GALNT18: variants seen among roughly 807,000 people sequenced by gnomAD.
GALNT18 encodes the protein GalNAc-transferase 18.
A neutral mutation model predicts 69.5 loss-of-function variants in GALNT18; 44 were observed. The ratio of observed to expected loss-of-function variants is 0.63; its 90% confidence interval spans 0.50 to 0.81. The LOEUF (loss-of-function observed/expected upper bound fraction) is 0.81. GALNT18 is among the 40% of genes least tolerant of loss of function. GALNT18 has a pLI of 0.00. For synonymous variants in GALNT18, 364 were observed against 318.2 expected, an observed-to-expected ratio of 1.14 and a Z score of -1.53; for missense variants, 715 against 810.0, an observed-to-expected ratio of 0.88 and a Z score of 1.42.
At position 11,321,973 on chromosome 11, in the gene GALNT18, C is replaced by G. The variant is rs189920392; in HGVS notation, c.1512+5113G>C. 1.4e-4 allele frequency among the ~76,000 whole-genome samples: 21 copies of G among 152,302 alleles called. No homozygotes were observed. The East Asian group carries it at 3.9e-3, about 28-fold the overall frequency. Reference sequence around the variant, plus strand: ...ACCATGGGGTCAAGGAGAGTCAGTCCAGGGTTGGTTGCAGCTAGAACCTTG... The same window carrying G: ...ACCATGGGGTCAAGGAGAGTCAGTCGAGGGTTGGTTGCAGCTAGAACCTTG... On this transcript the variant is annotated intron_variant, in intron 9 of 10. Transcript: ENST00000227756.
At position 11,616,260 on chromosome 11, in the gene GALNT18, T is replaced by C. The variant is rs533830982; in HGVS notation, c.235+5099A>G. The stretch of plus-strand genomic sequence containing the variant: ...ATCAAAGGAGTACAAATCAAAAGAA[T>C]AGAGCATTTGACAGGGATTACATTT... On this transcript the variant is annotated intron_variant, in intron 1 of 10. Coordinates refer to ENST00000227756, the MANE Select transcript of GALNT18 (RefSeq NM_198516.3). This position sits in a 1 kb window ranked among gnomAD's most constrained non-coding sequence, Gnocchi z 4.4. 6.6e-6 allele frequency among the ~76,000 whole-genome samples: 1 copy of C among 152,316 alleles called. No homozygotes were observed. The highest frequency in any genetic ancestry group is 2.4e-5 in the African/African-American group (1 of 41,554).
chr11:11,522,542 C>G (rs1308366606), intron 1 of GALNT18, among the ~76,000 whole-genome samples: 2 of 152,176 alleles, frequency 1.3e-5, no homozygotes, highest in Non-Finnish European at 2.9e-5. Flanking sequence ...GTCCCACCAC[C>G]ACTCAGCTCA....
chr11:11,475,160 T>G (rs1564967661), intron 1 of GALNT18: 1 of 150,242 alleles, frequency 6.7e-6, no homozygotes, highest in Non-Finnish European at 1.5e-5. Flanking sequence ...CACAATAAAG[T>G]GAATAACCAA....
intron 1 of GALNT18, among the ~76,000 whole-genome samples, chr11:11,451,916 A>G (rs1386397382): frequency 1.3e-5 from 2 of 152,208 alleles, no homozygotes; most frequent in Non-Finnish European, 2.9e-5. Context: ...GTGGCAAACC[A>G]TGGTCCAAGG....
At chr11:11,524,785 A>C (rs1381571496) in intron 1 of GALNT18, among the ~76,000 whole-genome samples, 1 of 152,256 alleles carries the variant, frequency 6.6e-6, no homozygotes, top group African/African-American at 2.4e-5. Flanking sequence ...GAACCAGTCC[A>C]TACCATTGTC....
chr11:11,275,668 CTTACA>C (rs895644879), intron 10 of GALNT18, among the ~76,000 whole-genome samples: 146 of 152,294 alleles, frequency 9.6e-4, no homozygotes, highest in African/African-American at 3.4e-3. Flanking sequence ...GGTCCTAGGT[CTTACA>C]TTTAAGTCTT....
chr11:11,333,748 T>C (rs1221152528), intron 7 of GALNT18, among the ~76,000 whole-genome samples: 1 of 152,060 alleles, frequency 6.6e-6, no homozygotes, highest in African/African-American at 2.4e-5. Context: ...AAGTGACACA[T>C]GATTGTGTCC....
chr11:11,617,453 A>G lies in GALNT18; in HGVS notation c.235+3906T>C, dbSNP rs1860082781. ...GTCTCCAACAGATAAATGTTAAACC[A>G]ATAAACTATGTAGCAAATATGGAAA... On this transcript the variant is annotated intron_variant, in intron 1 of 10. Transcript: ENST00000227756. This position sits in a 1 kb window ranked among gnomAD's most constrained non-coding sequence, Gnocchi z 4.7. 6.6e-6 allele frequency among the ~76,000 whole-genome samples: 1 copy of G among 152,218 alleles called. No homozygotes were observed. Among genetic ancestry groups the G allele is most frequent in the Non-Finnish European group, 1.5e-5 (1 of 68,034 alleles).
At position 11,338,607 on chromosome 11, in the gene GALNT18, G is replaced by T. The variant is rs886880060; in HGVS notation, c.1278+2212C>A. ...TGGAGGAAGAAGATGGGTTTGGCTG[G>T]TCAGAGTCATTCTGAGTGCCTGTGG... On this transcript the variant is annotated intron_variant, in intron 7 of 10. Coordinates refer to ENST00000227756, the MANE Select transcript of GALNT18 (RefSeq NM_198516.3). The surrounding 1 kb of genome is among the most constrained non-coding windows in gnomAD (Gnocchi z 5.3). Among the ~76,000 whole-genome samples, 9 of 152,326 alleles carry T rather than the reference G, an allele frequency of 5.9e-5. No homozygotes were observed. The highest frequency in any genetic ancestry group is 5.9e-4 in the Admixed American group (9 of 15,304).
intron 1 of GALNT18, among the ~76,000 whole-genome samples, chr11:11,456,291 T>C (rs182778161): frequency 3.3e-5 from 5 of 152,304 alleles, no homozygotes; most frequent in Admixed American, 3.3e-4. Flanking sequence ...ATTAAGGGGC[T>C]TATTGCTGAG....
intron 2 of GALNT18, among the ~76,000 whole-genome samples, chr11:11,447,975 C>T (rs1452570283): frequency 1.3e-5 from 2 of 152,200 alleles, no homozygotes; most frequent in African/African-American, 4.8e-5. Flanking sequence ...GCTCTTTCAT[C>T]CTAGCCGAGC....
intron 9 of GALNT18, among the ~76,000 whole-genome samples, chr11:11,325,185 A>C (rs7929127): frequency 0.21 from 32,156 of 152,198 alleles, 3,816 homozygotes; most frequent in African/African-American, 0.31. Flanking sequence ...ACAAAAAGAA[A>C]TAAAATAATG....
intron 1 of GALNT18, among the ~76,000 whole-genome samples, chr11:11,569,399 T>G (rs192680507): frequency 1.3e-5 from 2 of 152,288 alleles, no homozygotes; most frequent in East Asian, 3.9e-4. Context: ...AAAGGTTCTT[T>G]GGAGTGAGAT....
At chr11:11,571,937 G>A (rs537152269) in intron 1 of GALNT18, among the ~76,000 whole-genome samples, 10 of 152,288 alleles carry the variant, frequency 6.6e-5, no homozygotes, top group Non-Finnish European at 1.0e-4. Context: ...ACAGTGAGCT[G>A]TATGCCCAGC....
intron 10 of GALNT18, among the ~76,000 whole-genome samples, chr11:11,287,472 C>T (rs554428739): frequency 1.2e-4 from 18 of 152,272 alleles, no homozygotes; most frequent in Non-Finnish European, 2.2e-4. Context: ...CCACAAAGTT[C>T]TTCTCTGTAG....
intron 1 of GALNT18, among the ~76,000 whole-genome samples, chr11:11,508,926 A>T (rs1857119357): frequency 6.6e-6 from 1 of 152,162 alleles, no homozygotes; most frequent in Non-Finnish European, 1.5e-5. Flanking sequence ...GAGGCTCAGA[A>T]ATCTTTGATG....
intron 2 of GALNT18, among the ~76,000 whole-genome samples, chr11:11,434,097 A>C (rs1368932053): frequency 6.6e-6 from 1 of 152,176 alleles, no homozygotes; most frequent in Admixed American, 6.5e-5. Context: ...AGCAATGAGC[A>C]ATTTGGAGAA....
rs554045336 is a variant in GALNT18, at chr11:11,341,308, T to C, written c.1093-304A>G. Among the ~76,000 whole-genome samples the C allele has an allele frequency of 6.6e-6, 1 of 152,322 alleles. No individual in the cohort carries two copies. The highest frequency in any genetic ancestry group is 1.9e-4 in the East Asian group (1 of 5,184). On this transcript the variant is annotated intron_variant, in intron 6 of 10. Coordinates refer to ENST00000227756, the MANE Select transcript of GALNT18 (RefSeq NM_198516.3). The surrounding 1 kb of genome is among the most constrained non-coding windows in gnomAD (Gnocchi z 6.3). ...CCAAAAAAAGAGACCAGACATTTTG[T>C]TCCAAAGATCTGAATTCTCCTTGCA...
Position 11,314,762 on chromosome 11 carries a change from C to T in GALNT18, c.1512+12324G>A, listed in dbSNP as rs900907127. ...CTATGCCCTGTGGAGGCTGTGGATT[C>T]TAAGGAGTCAGTGCTGGTAGAGAAA... On this transcript the variant is annotated intron_variant, in intron 9 of 10. Transcript: ENST00000227756. This position sits in a 1 kb window ranked among gnomAD's most constrained non-coding sequence, Gnocchi z 5.2. 6.6e-5 allele frequency among the ~76,000 whole-genome samples: 10 copies of T among 152,148 alleles called. No homozygotes were observed. The highest frequency in any genetic ancestry group is 2.2e-4 in the African/African-American group (9 of 41,442).
Sources: gnomAD v4.1 joint callset for allele counts (sites outside exome capture counted in the v4.1 genomes callset) on GRCh38, gnomAD v4.1.1 for gene constraint, Gnocchi (gnomAD v3.1) non-coding constraint, MANE v1.5 for transcripts, NCBI Gene and HGNC (gene_info 2026-07-23, HGNC 2026-07-21) for gene names.